The following CYFIP1 variants were observed in gnomAD, a reference collection of about 807,000 sequenced individuals.
CYFIP1 encodes the protein cytoplasmic FMR1 interacting protein 1, also known as cytoplasmic FMR1-interacting protein 1.
In CYFIP1, 58 loss-of-function variants were observed where a neutral mutation model predicts 163.5. The ratio of observed to expected loss-of-function variants is 0.35; its 90% CI spans 0.29 to 0.44. The LOEUF is 0.44. Among genes scored for constraint, CYFIP1 ranks in the 20% least tolerant of loss-of-function variants. CYFIP1 has a pLI of 1.00. For synonymous variants in CYFIP1, 663 were observed against 660.7 expected, an observed-to-expected ratio of 1.00 and a Z score of -0.05; for missense variants, 1,338 against 1,653.8, an observed-to-expected ratio of 0.81 and a Z score of 3.31.
At chr15:22,884,169 C>G (rs1347388722) in intron 23 of CYFIP1, among the ~76,000 whole-genome samples, 1 of 152,104 alleles carries the variant, frequency 6.6e-6, no homozygotes. Context: ...TGGCCCCTCC[C>G]AAATCTCAAT....
rs1030264076 is a variant in CYFIP1 at position 22,917,170 on chromosome 15, CCT to C, written c.1675-542_1675-541del. 58 of 1,431,718 alleles carry C rather than the reference CCT, an allele frequency of 4.1e-5. No homozygotes were observed. Among genetic ancestry groups the C allele is most frequent in the Non-Finnish European group, 5.0e-5 (55 of 1,099,112 alleles). 88.7% of individuals were successfully genotyped at this position (1,431,718 alleles called of 1,614,324 possible). A position where few individuals can be genotyped will look rare whatever the true frequency, so the allele number is the denominator to read the frequency against. On this transcript the variant is annotated intron_variant, in intron 15 of 30. Transcript: ENST00000617928. The surrounding 1 kb of genome is among the most constrained non-coding windows in gnomAD (Gnocchi z 4.2). The stretch of plus-strand genomic sequence containing the variant: ...CCACGCACAGGCCGAGGGCCGTCCC[CCT>C]GACCCTCCTGCAGAGCCAGCAGCGT...
chr15:22,948,867 G>A (rs560494996), intron 1 of CYFIP1, among the ~76,000 whole-genome samples: 2 of 146,938 alleles, frequency 1.4e-5, no homozygotes, highest in Non-Finnish European at 3.0e-5. Flanking sequence ...GCAATGTTAA[G>A]TTTTCTAATC....
intron 1 of CYFIP1, among the ~76,000 whole-genome samples, chr15:22,973,283 C>T (rs1240226963): frequency 7.5e-6 from 1 of 133,976 alleles, no homozygotes; most frequent in Non-Finnish European, 1.5e-5. Context: ...CACTGCATTC[C>T]AGCCTGGGTG....
intron 1 of CYFIP1, among the ~76,000 whole-genome samples, chr15:22,949,930 G>A (rs893300594): frequency 6.6e-6 from 1 of 151,680 alleles, no homozygotes; most frequent in African/African-American, 2.4e-5. Flanking sequence ...GGAGTTCAAG[G>A]CCTGTCTGGG....
At chr15:22,883,591 G>A (rs895844030) in intron 23 of CYFIP1, among the ~76,000 whole-genome samples, 1 of 152,134 alleles carries the variant, frequency 6.6e-6, no homozygotes, top group Admixed American at 6.5e-5. Context: ...GCCGAGGTGG[G>A]CAGATCACAA....
In CYFIP1 at chr15:22,869,938, G is replaced by T; in HGVS notation, c.*90C>A. The T allele has an allele frequency of 8.0e-7, 1 of 1,254,182 alleles. No individual in the cohort carries two copies. The highest frequency in any genetic ancestry group is 1.1e-6 in the Non-Finnish European group (1 of 943,140). 77.7% of individuals were successfully genotyped at this position (1,254,182 alleles called of 1,614,324 possible). ...AAGCACCCCCTTTAACAGGTACAGA[G>T]ATACTGAAAAATAGTCCCTAAAAAT... is the stretch of plus-strand genomic sequence containing the variant. On this transcript the variant is annotated 3_prime_UTR_variant, in exon 31 of 31. Transcript: ENST00000617928.
rs138317572 is a variant in CYFIP1 at position 22,956,714 on chromosome 15, G to A, written c.-6-9423C>T. 5.2e-3 allele frequency among the ~76,000 whole-genome samples: 792 copies of A among 152,258 alleles called. 6 individuals are homozygous for A. Among genetic ancestry groups the A allele is most frequent in the African/African-American group, 0.018 (760 of 41,560 alleles). ...GGCCACACCATCCAGATGGCCCCACGGCCCCACTGCCGCCCCGAGACAGCA... is the reference window on the plus strand; with the variant it reads ...GGCCACACCATCCAGATGGCCCCACAGCCCCACTGCCGCCCCGAGACAGCA... On this transcript the variant is annotated intron_variant, in intron 1 of 30. Coordinates refer to ENST00000617928, the MANE Select transcript of CYFIP1 (RefSeq NM_014608.6).
intron 1 of CYFIP1, among the ~76,000 whole-genome samples, chr15:22,958,599 A>G (rs750109295): frequency 5.8e-4 from 88 of 152,288 alleles, no homozygotes; most frequent in Non-Finnish European, 1.1e-3. Context: ...CCCTTCGGCC[A>G]GGGTCAGGCT....
intron 1 of CYFIP1, among the ~76,000 whole-genome samples, chr15:22,960,912 C>T (rs1396841900): frequency 8.5e-5 from 13 of 152,206 alleles, no homozygotes; most frequent in Admixed American, 7.2e-4. Context: ...AAGGTGGAGC[C>T]GGACAGTAGC....
chr15:22,906,185 C>A (rs1441058277), intron 21 of CYFIP1, among the ~76,000 whole-genome samples: 1 of 151,772 alleles, frequency 6.6e-6, no homozygotes, highest in Non-Finnish European at 1.5e-5. Flanking sequence ...TGGCTCACTG[C>A]AACCTCTGCC....
intron 22 of CYFIP1, among the ~76,000 whole-genome samples, chr15:22,900,399 C>CT (rs35697922): frequency 0.02 from 2,641 of 135,026 alleles, 48 homozygotes; most frequent in South Asian, 0.063. Context: ...AATTTCTGTT[C>CT]TTTTTTTTTT....
chr15:22,911,293 G>C (rs980325521), intron 18 of CYFIP1, among the ~76,000 whole-genome samples: 1 of 152,136 alleles, frequency 6.6e-6, no homozygotes, highest in African/African-American at 2.4e-5. Flanking sequence ...AACTAGGCTA[G>C]AACCAATCTT....
chr15:22,911,711 T>G (rs1034879799), intron 18 of CYFIP1, among the ~76,000 whole-genome samples: 2 of 152,166 alleles, frequency 1.3e-5, no homozygotes, highest in Non-Finnish European at 2.9e-5. Context: ...CATTTTCAGG[T>G]GGTCTTTGTG....
intron 25 of CYFIP1, among the ~76,000 whole-genome samples, chr15:22,880,302 G>C (rs1172367386): frequency 6.6e-6 from 1 of 152,214 alleles, no homozygotes; most frequent in East Asian, 1.9e-4. Flanking sequence ...TTTAGGGAAG[G>C]CTATGATGAT....
At chr15:22,949,894 T>C (rs2062192914) in intron 1 of CYFIP1, among the ~76,000 whole-genome samples, 1 of 151,216 alleles carries the variant, frequency 6.6e-6, no homozygotes, top group African/African-American at 2.4e-5. Flanking sequence ...CTTGGGAGGC[T>C]GAGAAGGGAG....
intron 23 of CYFIP1, among the ~76,000 whole-genome samples, chr15:22,886,674 T>C (rs942532220): frequency 6.6e-6 from 1 of 152,178 alleles, no homozygotes; most frequent in Non-Finnish European, 1.5e-5. Context: ...TCTTTAAATT[T>C]TGTTGAGGTG....
chr15:22,910,531 T>C lies in CYFIP1; in HGVS notation c.2257A>G (p.Arg753Gly). Residue 753 changes from arginine (R) to glycine (G), a missense_variant, in exon 20 of 31, where the codon AGG (arginine) becomes GGG (glycine). Transcript: ENST00000617928. ...SNRYETLLKQRHVQLLGRSID... is the reference protein window; with the variant it reads ...SNRYETLLKQGHVQLLGRSID... ...CGGCCCCAGCTCACCTGCACATGCC[T>C]CTGCTTCAGCAGCGTCTCGTAGCGG... 1 of 1,613,814 alleles carries C rather than the reference T, an allele frequency of 6.2e-7. No individual in the cohort carries two copies. The highest frequency in any genetic ancestry group is 8.5e-7 in the Non-Finnish European group (1 of 1,179,704).
At chr15:22,950,142 C>T (rs981442253) in intron 1 of CYFIP1, among the ~76,000 whole-genome samples, 7 of 152,012 alleles carry the variant, frequency 4.6e-5, no homozygotes, top group Admixed American at 2.6e-4. Context: ...AGACCTGAAT[C>T]GAAACACATT....
intron 26 of CYFIP1, among the ~76,000 whole-genome samples, chr15:22,879,599 C>T (rs768964220): frequency 4.6e-5 from 7 of 151,828 alleles, no homozygotes; most frequent in Non-Finnish European, 8.8e-5. Context: ...GGCCCTCCTG[C>T]GCAGCAATGC....
Sources: allele counts gnomAD v4.1 joint callset (sites outside exome capture counted in the v4.1 genomes callset), GRCh38; gene constraint gnomAD v4.1.1; non-coding constraint Gnocchi (gnomAD v3.1); transcripts MANE v1.5; gene names NCBI Gene and HGNC (gene_info 2026-07-23, HGNC 2026-07-21).